The following CCSER2 variants were observed in gnomAD, a reference collection of about 807,000 sequenced individuals.
CCSER2 encodes serine-rich coiled-coil domain-containing protein 2.
A neutral mutation model predicts 92.3 loss-of-function variants in CCSER2; 46 were observed. The observed-to-expected ratio is 0.50, with a 90% CI of 0.39 to 0.64. The LOEUF (loss-of-function observed/expected upper bound fraction) is 0.64. CCSER2 is among the 30% of genes least tolerant of loss of function. CCSER2 has a pLI of 0.00. For missense variants in CCSER2, 1,244 were observed against 1,238.9 expected (o/e 1.00, Z -0.06); for synonymous variants, 433 against 431.4 (o/e 1.00, Z -0.04).
chr10:84,389,311 C>T (rs991554263), intron 3 of CCSER2: 2 of 522,714 alleles, frequency 3.8e-6, no homozygotes, highest in Admixed American at 3.9e-5. Context: ...AAGATCAGTG[C>T]CACATCTGTC....
At chr10:84,350,037 C>T (rs1188271644) in intron 1 of CCSER2, among the ~76,000 whole-genome samples, 1 of 152,182 alleles carries the variant, frequency 6.6e-6, no homozygotes, top group Non-Finnish European at 1.5e-5. Flanking sequence ...CCTGTAATCC[C>T]AGCTACTTGG....
At chr10:84,394,622 T>A (rs1429054463) in intron 3 of CCSER2, among the ~76,000 whole-genome samples, 1 of 151,894 alleles carries the variant, frequency 6.6e-6, no homozygotes, top group African/African-American at 2.4e-5. Flanking sequence ...GGGTATGGGG[T>A]AGAGGGTAGT....
chr10:84,412,304 T>C (rs762742944), intron 3 of CCSER2, among the ~76,000 whole-genome samples: 10 of 152,198 alleles, frequency 6.6e-5, no homozygotes, highest in Non-Finnish European at 1.3e-4. Context: ...GGTGACCTCA[T>C]AGAATGAGTT....
chr10:84,388,786 C>G (rs1373393278), intron 3 of CCSER2, among the ~76,000 whole-genome samples: 1 of 152,090 alleles, frequency 6.6e-6, no homozygotes, highest in Non-Finnish European at 1.5e-5. Flanking sequence ...CCCTCATGTG[C>G]GCAGTTCACA....
intron 3 of CCSER2, among the ~76,000 whole-genome samples, chr10:84,406,378 T>C (rs565674915): frequency 6.6e-5 from 10 of 152,318 alleles, no homozygotes; most frequent in East Asian, 3.9e-4. Context: ...TTAAAATTTA[T>C]AAACTATACC....
intron 9 of CCSER2, among the ~76,000 whole-genome samples, chr10:84,503,040 C>T (rs1041830041): frequency 4.2e-4 from 64 of 152,070 alleles, no homozygotes; most frequent in Middle Eastern, 3.4e-3. Context: ...CTGGTTAACA[C>T]GGTGAAACCG....
chr10:84,330,796 T>G (rs1564570455), intron 1 of CCSER2, among the ~76,000 whole-genome samples: 1 of 152,070 alleles, frequency 6.6e-6, no homozygotes, highest in Non-Finnish European at 1.5e-5. Context: ...TGGTTAGGAA[T>G]GAAACCCCAG....
intron 1 of CCSER2, among the ~76,000 whole-genome samples, chr10:84,354,778 T>C (rs951412143): frequency 1.3e-5 from 2 of 151,718 alleles, no homozygotes; most frequent in Non-Finnish European, 2.9e-5. Flanking sequence ...TCTCTAGATA[T>C]GCACCTCAAA....
chr10:84,388,104 C>T (rs1841325008), intron 3 of CCSER2, among the ~76,000 whole-genome samples: 1 of 152,162 alleles, frequency 6.6e-6, no homozygotes, highest in Admixed American at 6.5e-5. Flanking sequence ...ACCTCGTGAT[C>T]TGCCTGCCTT....
intron 7 of CCSER2, among the ~76,000 whole-genome samples, chr10:84,467,130 GCTAC>G: frequency 6.6e-6 from 1 of 152,280 alleles, no homozygotes; most frequent in East Asian, 1.9e-4. Context: ...AATGAAAATA[GCTAC>G]CATTTCAATG....
chr10:84,402,567 A>G (rs951283656), intron 3 of CCSER2, among the ~76,000 whole-genome samples: 1 of 152,216 alleles, frequency 6.6e-6, no homozygotes, highest in African/African-American at 2.4e-5. Context: ...ACAAATCCTA[A>G]CAATTGTTGG....
intron 2 of CCSER2, among the ~76,000 whole-genome samples, chr10:84,373,145 C>T (rs189169134): frequency 8.8e-4 from 134 of 152,112 alleles, no homozygotes; most frequent in Non-Finnish European, 3.1e-4. Flanking sequence ...GGGACTAGAT[C>T]GTGCATAGAA....
chr10:84,447,834 G>C (rs1845021434), intron 6 of CCSER2, among the ~76,000 whole-genome samples: 1 of 152,040 alleles, frequency 6.6e-6, no homozygotes, highest in Non-Finnish European at 1.5e-5. Flanking sequence ...TTTTGCAGCA[G>C]AGTGTTGCTG....
chr10:84,497,717 G>T (rs1000526745), intron 9 of CCSER2, among the ~76,000 whole-genome samples: 4 of 152,172 alleles, frequency 2.6e-5, no homozygotes, highest in Non-Finnish European at 5.9e-5. Context: ...TAAAACTCCT[G>T]CGAACTTATA....
intron 9 of CCSER2, among the ~76,000 whole-genome samples, chr10:84,505,880 C>T (rs1849015148): frequency 6.7e-6 from 1 of 149,706 alleles, no homozygotes; most frequent in East Asian, 2.0e-4. Flanking sequence ...TTTTTTTTAG[C>T]CAGTCTTTTT....
intron 1 of CCSER2, among the ~76,000 whole-genome samples, chr10:84,340,340 C>G (rs1485113611): frequency 1.3e-5 from 2 of 152,020 alleles, no homozygotes; most frequent in African/African-American, 4.8e-5. Context: ...CTCTCTTGCC[C>G]CCACTTATAG....
chr10:84,373,543 A>G (rs533387353), intron 2 of CCSER2, 76 bp from the exon 3 acceptor site: 2 of 1,140,914 alleles, frequency 1.8e-6, no homozygotes, highest in East Asian at 2.5e-5. Flanking sequence ...GATATATCAA[A>G]TTATTAGCAC....
chr10:84,359,243 G>C (rs1845367555), intron 1 of CCSER2, among the ~76,000 whole-genome samples: 1 of 152,076 alleles, frequency 6.6e-6, no homozygotes, highest in South Asian at 2.1e-4. Context: ...TTGTGGAATT[G>C]GGAGGGGACT....
chr10:84,362,395 C>T (rs118145812), intron 1 of CCSER2, among the ~76,000 whole-genome samples: 1,905 of 152,284 alleles, frequency 0.013, 17 homozygotes, highest in Non-Finnish European at 0.019. Context: ...ACATTAATGA[C>T]ATTTGCATGC....
Sources: allele counts gnomAD v4.1 joint callset (sites outside exome capture counted in the v4.1 genomes callset), GRCh38; gene constraint gnomAD v4.1.1; transcripts MANE v1.5; gene names NCBI Gene and HGNC (gene_info 2026-07-23, HGNC 2026-07-21).